CDC42SE2: variants seen among roughly 807,000 people sequenced by gnomAD.
The protein encoded by CDC42SE2 is CDC42 small effector 2.
In CDC42SE2, 3 loss-of-function variants were observed where a neutral mutation model predicts 11.5. The observed-to-expected ratio is 0.26, with a 90% CI of 0.12 to 0.67. The LOEUF is 0.67. Among genes scored for constraint, CDC42SE2 ranks in the 30% least tolerant of loss-of-function variants. The pLI is 0.80. For synonymous variants in CDC42SE2, 33 were observed against 34.8 expected, an observed-to-expected ratio of 0.95 and a Z score of 0.18; for missense variants, 82 against 106.8, an observed-to-expected ratio of 0.77 and a Z score of 1.02.
intron 2 of CDC42SE2, among the ~76,000 whole-genome samples, chr5:131,323,413 G>A (rs1758234099): frequency 2.0e-5 from 3 of 151,816 alleles, no homozygotes; most frequent in African/African-American, 7.2e-5. Flanking sequence ...TTAAGTTAAT[G>A]ATTTCAGTTT....
chr5:131,222,888 C>T, the CDC42SE2 span, among the ~76,000 whole-genome samples: 4 of 152,246 alleles, frequency 2.6e-5, no homozygotes, highest in Non-Finnish European at 5.9e-5. Flanking sequence ...CCAGCCTTTG[C>T]TTCTGACTCT....
the CDC42SE2 span, among the ~76,000 whole-genome samples, chr5:131,235,233 C>T: frequency 2.6e-5 from 4 of 151,844 alleles, no homozygotes; most frequent in African/African-American, 7.3e-5. Context: ...TTCAAATGCT[C>T]AGTTTACTGA....
chr5:131,211,841 G>A, the CDC42SE2 span, among the ~76,000 whole-genome samples: 26 of 151,830 alleles, frequency 1.7e-4, no homozygotes, highest in Admixed American at 7.9e-4. Flanking sequence ...AAAATGAGCC[G>A]GGCTCGGTGG....
Position 131,309,425 on chromosome 5 carries a change from T to C in CDC42SE2, c.-454-6551T>C, listed in dbSNP as rs529712723. The stretch of plus-strand genomic sequence containing the variant: ...AAATTCTCTTTTTTGGTTGTGTCTC[T>C]GCGCGGCGTTGGTATCAGAATGATG... On this transcript the variant is annotated intron_variant, in intron 1 of 4. Coordinates refer to ENST00000505065, the MANE Select transcript of CDC42SE2 (RefSeq NM_001375635.1). Among the ~76,000 whole-genome samples the C allele has an allele frequency of 3.9e-5, 6 of 152,336 alleles. No homozygotes were observed. In the South Asian group the frequency reaches 8.3e-4, roughly 21 times the overall value.
chr5:131,359,761 G>A lies in CDC42SE2; in HGVS notation c.54+214G>A, dbSNP rs141527885. ...CAAGAACTCTCCTAGACCATTCATC[G>A]TACATGACTGAGAGGAGGTGTTCTT... On this transcript the variant is annotated intron_variant, in intron 3 of 4. Coordinates refer to ENST00000505065, the MANE Select transcript of CDC42SE2 (RefSeq NM_001375635.1). Among the ~76,000 whole-genome samples, 9 of 152,210 alleles carry A rather than the reference G, an allele frequency of 5.9e-5. No homozygotes were observed. The South Asian group carries it at 6.2e-4, about 11-fold the overall frequency.
At chr5:131,342,388 C>CTGTTTTT (rs1758732160) in intron 2 of CDC42SE2, among the ~76,000 whole-genome samples, 1 of 111,334 alleles carries the variant, frequency 9.0e-6, no homozygotes, top group Admixed American at 9.0e-5. Context: ...TTTTAATAGT[C>CTGTTTTT]TTTTTTTTTT....
Position 131,377,115 on chromosome 5 carries a change from A to T in CDC42SE2, c.55-8428A>T, listed in dbSNP as rs144944030. Among the ~76,000 whole-genome samples, 383 of 152,124 alleles carry T rather than the reference A, an allele frequency of 2.5e-3. 2 individuals carry two copies. Among genetic ancestry groups the T allele is most frequent in the African/African-American group, 8.6e-3 (358 of 41,526 alleles). ...TAATTTACATTCCCACCAGCAGTAT[A>T]TAAGTGTTCCCTTTTCTCTGCAGCC... is the stretch of plus-strand genomic sequence containing the variant. On this transcript the variant is annotated intron_variant, in intron 3 of 4. Coordinates refer to ENST00000505065, the MANE Select transcript of CDC42SE2 (RefSeq NM_001375635.1).
At chr5:131,346,218 A>G (rs1457921883) in intron 2 of CDC42SE2, among the ~76,000 whole-genome samples, 1 of 152,206 alleles carries the variant, frequency 6.6e-6, no homozygotes, top group African/African-American at 2.4e-5. Context: ...AAATTGGATA[A>G]AGAGTCAAGA....
chr5:131,362,967 T>C (rs1397568561), intron 3 of CDC42SE2, among the ~76,000 whole-genome samples: 2 of 151,848 alleles, frequency 1.3e-5, no homozygotes, highest in Non-Finnish European at 2.9e-5. Flanking sequence ...AGCAACATGG[T>C]GAAACCCTGT....
At chr5:131,247,023 C>CG in intron 1 of CDC42SE2, among the ~76,000 whole-genome samples, 1 of 152,148 alleles carries the variant, frequency 6.6e-6, no homozygotes, top group East Asian at 1.9e-4. Flanking sequence ...GGATTACAAG[C>CG]GTGCGCCCCC....
intron 1 of CDC42SE2, among the ~76,000 whole-genome samples, chr5:131,285,788 A>G (rs1286574902): frequency 1.3e-5 from 2 of 152,172 alleles, no homozygotes; most frequent in Non-Finnish European, 2.9e-5. Context: ...AGGTCAGGAA[A>G]CAAACTGGTA....
intron 2 of CDC42SE2, among the ~76,000 whole-genome samples, chr5:131,327,924 A>G (rs958490880): frequency 3.3e-5 from 5 of 152,188 alleles, no homozygotes; most frequent in Admixed American, 6.5e-5. Context: ...CAGACTGGGT[A>G]ATTTATAATG....
chr5:131,312,056 T>C lies in CDC42SE2; in HGVS notation c.-454-3920T>C, dbSNP rs542078459. Among the ~76,000 whole-genome samples, 6 of 152,334 alleles carry C rather than the reference T, an allele frequency of 3.9e-5. No individual in the cohort carries two copies. In the East Asian group the frequency reaches 1.2e-3, roughly 29 times the overall value. ...AGTTTCCAGTTTTTCCGTTCTGTTT[T>C]TTCCCCATCTTTGTGGTTTTATCTA... On this transcript the variant is annotated intron_variant, in intron 1 of 4. Transcript: ENST00000505065.
upstream of CDC42SE2, among the ~76,000 whole-genome samples, chr5:131,244,425 T>G (rs1287203280): frequency 2.0e-5 from 3 of 152,090 alleles, no homozygotes; most frequent in Non-Finnish European, 4.4e-5. Flanking sequence ...AAAAAACATC[T>G]TCAGGCCGGG....
intron 3 of CDC42SE2, among the ~76,000 whole-genome samples, chr5:131,361,214 T>G (rs1247181963): frequency 2.0e-5 from 3 of 151,998 alleles, no homozygotes; most frequent in African/African-American, 7.2e-5. Context: ...TGAATTCTCT[T>G]CAATATATGA....
rs2149770261 is a variant in CDC42SE2, at chr5:131,359,391, C to T, written c.-103C>T. On this transcript the variant is annotated 5_prime_UTR_variant, in exon 3 of 5. Transcript: ENST00000505065. Reference sequence around the variant, plus strand: ...ACACGGTGAAATAATAAAATTTCATCTTGGCATCACTGGACATCATCGTAT... The same window carrying T: ...ACACGGTGAAATAATAAAATTTCATTTTGGCATCACTGGACATCATCGTAT... The T allele has an allele frequency of 1.2e-6, 1 of 835,976 alleles. No individual in the cohort carries two copies. The highest frequency in any genetic ancestry group is 2.4e-5 in the East Asian group (1 of 41,120). The allele number at this position is 835,976 out of a possible 1,614,324, so 51.8% of individuals were successfully genotyped here. A position where few individuals can be genotyped will look rare whatever the true frequency, so the allele number is the denominator to read the frequency against.
At chr5:131,218,911 C>T in the CDC42SE2 span, among the ~76,000 whole-genome samples, 1 of 152,112 alleles carries the variant, frequency 6.6e-6, no homozygotes, top group Non-Finnish European at 1.5e-5. Context: ...ATATTTGTTA[C>T]ACTTTAATTA....
rs952473857 is a variant in CDC42SE2 at position 131,292,571 on chromosome 5, A to C, written c.-454-23405A>C. Among the ~76,000 whole-genome samples, 14 of 149,812 alleles carry C rather than the reference A, an allele frequency of 9.3e-5. 1 individual carries two copies. Among genetic ancestry groups the C allele is most frequent in the South Asian group, 6.3e-4 (3 of 4,762 alleles). On this transcript the variant is annotated intron_variant, in intron 1 of 4. Coordinates refer to ENST00000505065, the MANE Select transcript of CDC42SE2 (RefSeq NM_001375635.1). ...TGAGACTCCATCTCAAAAAAAAAAA[A>C]AAAACAAAAAACAAAAAACTTGGTA...
At chr5:131,264,981 G>A (rs925250838) in intron 1 of CDC42SE2, among the ~76,000 whole-genome samples, 6 of 152,164 alleles carry the variant, frequency 3.9e-5, no homozygotes, top group East Asian at 3.8e-4. Flanking sequence ...GAAGGGCCTG[G>A]CTTATAGTAC....
Sources: allele counts gnomAD v4.1 joint callset (sites outside exome capture counted in the v4.1 genomes callset), GRCh38; gene constraint gnomAD v4.1.1; transcripts MANE v1.5; gene names NCBI Gene and HGNC (gene_info 2026-07-23, HGNC 2026-07-21).